RANBP2: variants seen among roughly 807,000 people sequenced by gnomAD.
RANBP2 encodes the protein RAN binding protein 2.
In RANBP2, 57 loss-of-function variants were observed where a neutral mutation model predicts 303.6. That is an observed-to-expected ratio of 0.19 (90% confidence interval 0.15 to 0.23). RANBP2 has a LOEUF of 0.23. Ranked by LOEUF, RANBP2 falls within the 10% of genes least tolerant of loss-of-function variation. RANBP2 has a pLI of 1.00. For synonymous variants in RANBP2, 1,167 were observed against 1,301.5 expected (o/e 0.90, Z 2.23); for missense variants, 3,138 against 3,780.8 (o/e 0.83, Z 4.46).
In RANBP2 at chr2:108,736,090, A is replaced by T; in HGVS notation, c.637-14A>T. ...GATTAAGTTTTGTAACTTACTGTTC[A>T]TTCCACAAAATAGGAATATCTGGAG... On this transcript the variant is annotated splice_polypyrimidine_tract_variant and intron_variant, in intron 5 of 28. Transcript: ENST00000283195. 1 of 1,611,768 alleles carries T rather than the reference A, an allele frequency of 6.2e-7. No homozygotes were observed. The highest frequency in any genetic ancestry group is 1.1e-5 in the South Asian group (1 of 90,934).
At chr2:109,253,367 A>G in the RANBP2 span, among the ~76,000 whole-genome samples, 1 of 152,266 alleles carries the variant, frequency 6.6e-6, no homozygotes, top group South Asian at 2.1e-4. Flanking sequence ...TTTCCTTGGG[A>G]GGCAGAAGTG....
At position 108,766,983 on chromosome 2, in the gene RANBP2, C is replaced by T; in HGVS notation, c.6444C>T (p.Asp2148=). The part of the protein sequence containing the change: ...KFEECQRLLL[D]IPLQTPHKLV... ...AGGAATGCCAGCGGCTTCTGTTAGA[C>T]ATACCACTTCAAACTCCCCATAAAC... The change falls in exon 20 of 29, where the codon GAC becomes GAT. Residue 2148 remains aspartate (D), a synonymous_variant. Coordinates refer to ENST00000283195, the MANE Select transcript of RANBP2 (RefSeq NM_006267.5). The T allele has an allele frequency of 1.9e-6, 3 of 1,609,346 alleles. No individual in the cohort carries two copies. Among genetic ancestry groups the T allele is most frequent in the Non-Finnish European group, 2.5e-6 (3 of 1,179,828 alleles).
chr2:108,956,758 A>G, the RANBP2 span, among the ~76,000 whole-genome samples: 1 of 151,464 alleles, frequency 6.6e-6, no homozygotes, highest in Non-Finnish European at 1.5e-5. Context: ...CAAGTTTTGA[A>G]GCTCAGCAGG....
At chr2:108,969,070 T>C in the RANBP2 span, among the ~76,000 whole-genome samples, 7 of 152,188 alleles carry the variant, frequency 4.6e-5, no homozygotes, top group Admixed American at 4.6e-4. Flanking sequence ...GAGTCCCTGA[T>C]GCACAGTCAG....
the RANBP2 span, chr2:109,617,909 C>T: frequency 6.2e-6 from 1 of 161,690 alleles, no homozygotes; most frequent in Non-Finnish European, 1.5e-5. Flanking sequence ...GTCCCAGCTA[C>T]TTAGGAGGCT....
chr2:109,639,786 C>T, the RANBP2 span, among the ~76,000 whole-genome samples: 8 of 151,048 alleles, frequency 5.3e-5, no homozygotes, highest in African/African-American at 7.3e-5. Context: ...TCTTGGCTCA[C>T]GGCAACCTCC....
At chr2:108,761,552 G>T (rs826546) in intron 18 of RANBP2, among the ~76,000 whole-genome samples, 39,430 of 152,030 alleles carry the variant, frequency 0.26, 5,484 homozygotes, top group African/African-American at 0.35. Flanking sequence ...ATCAGCATGA[G>T]TGTTGATGTG....
At chr2:109,726,342 G>A in the RANBP2 span, among the ~76,000 whole-genome samples, 3 of 151,878 alleles carry the variant, frequency 2.0e-5, no homozygotes, top group Non-Finnish European at 4.4e-5. Flanking sequence ...CTCTGGAGGC[G>A]GAGGTTGCAG....
At chr2:108,965,408 G>A in the RANBP2 span, among the ~76,000 whole-genome samples, 4 of 151,160 alleles carry the variant, frequency 2.6e-5, no homozygotes, top group South Asian at 2.1e-4. Context: ...ATGAACCCGG[G>A]AGGCCGAGGT....
At chr2:108,873,509 T>C in the RANBP2 span, 1 of 1,611,616 alleles carries the variant, frequency 6.2e-7, no homozygotes, top group African/African-American at 1.3e-5. Context: ...GTACTTGCTC[T>C]GTGCTGCTTC....
the RANBP2 span, among the ~76,000 whole-genome samples, chr2:109,651,372 G>A: frequency 6.6e-6 from 1 of 152,190 alleles, no homozygotes; most frequent in African/African-American, 2.4e-5. Flanking sequence ...TATTGAGCAG[G>A]TGGCCCAGTG....
the RANBP2 span, among the ~76,000 whole-genome samples, chr2:109,159,395 A>G: frequency 3.3e-5 from 5 of 152,224 alleles, no homozygotes; most frequent in Non-Finnish European, 2.9e-5. Context: ...CTTGGGAACC[A>G]GGGCGGGCAT....
chr2:109,622,751 A>G, the RANBP2 span, among the ~76,000 whole-genome samples: 32 of 152,340 alleles, frequency 2.1e-4, no homozygotes, highest in South Asian at 1.0e-3. Flanking sequence ...ATTAAACGCC[A>G]GCGTAGAAGA....
the RANBP2 span, among the ~76,000 whole-genome samples, chr2:109,432,855 CACTCA>C: frequency 6.6e-6 from 1 of 152,256 alleles, no homozygotes; most frequent in East Asian, 1.9e-4. Flanking sequence ...GCTGGGTTTG[CACTCA>C]ACTCCTTGGC....
At chr2:109,450,983 G>A in the RANBP2 span, among the ~76,000 whole-genome samples, 3 of 152,182 alleles carry the variant, frequency 2.0e-5, no homozygotes, top group Non-Finnish European at 2.9e-5. Flanking sequence ...GCGCTGACTC[G>A]GCGGGCTCTC....
At chr2:109,347,713 T>A in the RANBP2 span, 2 of 1,613,590 alleles carry the variant, frequency 1.2e-6, no homozygotes, top group Admixed American at 1.7e-5. Flanking sequence ...CCTCTACAGC[T>A]ACGAGGGGAA....
At chr2:109,462,730 G>A in the RANBP2 span, among the ~76,000 whole-genome samples, 10 of 152,322 alleles carry the variant, frequency 6.6e-5, no homozygotes, top group African/African-American at 1.9e-4. Context: ...TGCTGAGTAC[G>A]TCTAGGCTAA....
chr2:108,973,135 C>T, the RANBP2 span, among the ~76,000 whole-genome samples: 2 of 152,128 alleles, frequency 1.3e-5, no homozygotes, highest in Admixed American at 1.3e-4. Flanking sequence ...TAATGGCACC[C>T]GCCACCATGT....
chr2:108,944,093 T>A, the RANBP2 span, among the ~76,000 whole-genome samples: 16 of 152,230 alleles, frequency 1.1e-4, no homozygotes, highest in African/African-American at 3.6e-4. Flanking sequence ...TGTTCCTGTT[T>A]CTGTCTCTGT....
Sources: allele counts gnomAD v4.1 joint callset (sites outside exome capture counted in the v4.1 genomes callset), GRCh38; gene constraint gnomAD v4.1.1; transcripts MANE v1.5; gene names NCBI Gene and HGNC (gene_info 2026-07-23, HGNC 2026-07-21).